The following ANTXR2 variants were observed in gnomAD, a reference collection of about 807,000 sequenced individuals.
ANTXR2 encodes the protein ANTXR cell adhesion molecule 2.
Under a neutral mutation model 73.7 loss-of-function variants are expected in ANTXR2, and 44 were observed. That is an observed-to-expected ratio of 0.60 (90% CI 0.47 to 0.77). The LOEUF (loss-of-function observed/expected upper bound fraction) is 0.77. Ranked by LOEUF, ANTXR2 falls within the 30% of genes least tolerant of loss-of-function variation. The pLI is 0.00. For missense variants in ANTXR2, 604 were observed against 592.5 expected (o/e 1.02, Z -0.20); for synonymous variants, 217 against 205.9 (o/e 1.05, Z -0.46).
intron 12 of ANTXR2, among the ~76,000 whole-genome samples, chr4:79,996,664 C>T (rs1730745149): frequency 6.6e-6 from 1 of 151,860 alleles, no homozygotes; most frequent in African/African-American, 2.4e-5. Context: ...ACTGACATTC[C>T]TACATTTCAG....
chr4:80,035,878 C>T (rs1732930792), intron 8 of ANTXR2, 94 bp downstream of exon 8: 3 of 1,048,876 alleles, frequency 2.9e-6, no homozygotes, highest in Non-Finnish European at 2.8e-6. Context: ...GTTAATTTTG[C>T]TATTCTTTTT....
At chr4:79,985,772 A>C (rs1343637999) in intron 12 of ANTXR2, among the ~76,000 whole-genome samples, 1 of 152,062 alleles carries the variant, frequency 6.6e-6, no homozygotes, top group African/African-American at 2.4e-5. Context: ...GCTTGTAACA[A>C]ATCAGCTTCT....
intron 16 of ANTXR2, among the ~76,000 whole-genome samples, chr4:79,949,290 G>T (rs1032258661): frequency 5.9e-5 from 9 of 152,134 alleles, no homozygotes; most frequent in Admixed American, 5.9e-4. Flanking sequence ...TAAATAGAGG[G>T]TGACAGGTAG....
intron 16 of ANTXR2, among the ~76,000 whole-genome samples, chr4:79,949,006 G>A (rs1000748667): frequency 1.3e-5 from 2 of 152,068 alleles, no homozygotes; most frequent in South Asian, 4.1e-4. Flanking sequence ...AGGATAAAGA[G>A]ACTCTAAATC....
Position 80,073,223 on chromosome 4 carries a change from T to C in ANTXR2, c.-663A>G, listed in dbSNP as rs1293013373. 6.6e-6 allele frequency: 1 copy of C among 152,628 alleles called. No individual in the cohort carries two copies. The highest frequency in any genetic ancestry group is 1.9e-4 in the East Asian group (1 of 5,190). The allele number at this position is 152,628 out of a possible 1,614,324, so 9.5% of individuals were successfully genotyped here. On this transcript the variant is annotated 5_prime_UTR_variant, in exon 1 of 17. Transcript: ENST00000403729. ...GAGCCCGCTCGGGCCGGGTCTGGGC[T>C]GCGTGTGTCAGTGTGCGCCTGGGGA...
rs1578068454 is a variant in ANTXR2, at chr4:79,903,050, GA to G, written c.*4378del. 2.6e-5 allele frequency: 4 copies of G among 151,922 alleles called. No homozygotes were observed. The East Asian group carries it at 7.7e-4, about 29-fold the overall frequency. 9.4% of individuals were successfully genotyped at this position (151,922 alleles called of 1,614,324 possible). A position where few individuals can be genotyped will look rare whatever the true frequency, so the allele number is the denominator to read the frequency against. ...TGTAATCCCAGCTACTCAGGAGGCT[GA>G]GGGATGAGAATCACTTGAACCCAGG... On this transcript the variant is annotated 3_prime_UTR_variant, in exon 17 of 17. Coordinates refer to ENST00000403729, the MANE Select transcript of ANTXR2 (RefSeq NM_058172.6).
At position 79,903,148 on chromosome 4, in the gene ANTXR2, C is replaced by CA. The variant is rs373264816; in HGVS notation, c.*4280dup. 0.32 allele frequency: 45,894 copies of CA among 143,110 alleles called. 8,778 individuals carry two copies. Among genetic ancestry groups the CA allele is most frequent in the Non-Finnish European group, 0.44 (28,667 of 65,824 alleles). The allele number at this position is 143,110 out of a possible 1,614,324, so 8.9% of individuals were successfully genotyped here. ...TGGGTGACAGAGTGAGACTCTGTTT[C>CA]AAAAAAAAGAAAAAAAATCTAGTCA... is the stretch of plus-strand genomic sequence containing the variant. On this transcript the variant is annotated 3_prime_UTR_variant, in exon 17 of 17. Transcript: ENST00000403729.
rs183078579 is a variant in ANTXR2 at position 79,904,215 on chromosome 4, G to C, written c.*3214C>G. 6.6e-6 allele frequency: 1 copy of C among 152,088 alleles called. No individual in the cohort carries two copies. Among genetic ancestry groups the C allele is most frequent in the African/African-American group, 2.4e-5 (1 of 41,526 alleles). 9.4% of individuals were successfully genotyped at this position (152,088 alleles called of 1,614,324 possible). A position where few individuals can be genotyped will look rare whatever the true frequency, so the allele number is the denominator to read the frequency against. The stretch of plus-strand genomic sequence containing the variant: ...CAGAAACACCCAAATCTTGTATCTA[G>C]TAAGGATTTATTATAACAAATATTG... On this transcript the variant is annotated 3_prime_UTR_variant, in exon 17 of 17. Coordinates refer to ENST00000403729, the MANE Select transcript of ANTXR2 (RefSeq NM_058172.6).
At chr4:80,022,858 T>A (rs770342717) in intron 10 of ANTXR2, among the ~76,000 whole-genome samples, 4 of 152,178 alleles carry the variant, frequency 2.6e-5, no homozygotes, top group Non-Finnish European at 5.9e-5. Flanking sequence ...CATCACTCCA[T>A]TTTTAATCTT....
At position 79,923,930 on chromosome 4, in the gene ANTXR2, A is replaced by G. The variant is rs925865901; in HGVS notation, c.1429-16463T>C. On this transcript the variant is annotated intron_variant, in intron 16 of 16. Transcript: ENST00000403729. ...CCTTCTGTATTTATGAATTATTAAC[A>G]TTATTAAATTTGGAAAAGAAAATAA... Among the ~76,000 whole-genome samples, 4 of 152,164 alleles carry G rather than the reference A, an allele frequency of 2.6e-5. No individual in the cohort carries two copies. The East Asian group carries it at 5.8e-4, about 22-fold the overall frequency.
At chr4:80,015,896 GAAAGGAAAGGAAAGGAAAGGAAAGGAA>G (rs1451134247) in intron 11 of ANTXR2, among the ~76,000 whole-genome samples, 25 of 76,538 alleles carry the variant, frequency 3.3e-4, no homozygotes, top group Admixed American at 4.8e-4. Flanking sequence ...GAAAGGAAAG[GAAAGGAAAGGAAAGGAAAGGAAAGGAA>G]AAAGGAAAGG....
intron 10 of ANTXR2, among the ~76,000 whole-genome samples, chr4:80,029,794 T>C (rs1732605995): frequency 6.6e-6 from 1 of 151,278 alleles, no homozygotes; most frequent in East Asian, 2.0e-4. Context: ...CAACAAGAAG[T>C]ATAAAAGTGC....
intron 16 of ANTXR2, among the ~76,000 whole-genome samples, chr4:79,935,703 T>C (rs376348187): frequency 7.2e-5 from 11 of 152,234 alleles, no homozygotes; most frequent in African/African-American, 2.4e-4. Flanking sequence ...TGGATACAGC[T>C]ATTGCAATGT....
intron 7 of ANTXR2, among the ~76,000 whole-genome samples, chr4:80,047,086 A>G (rs62298642): frequency 0.12 from 18,394 of 151,762 alleles, 1,245 homozygotes; most frequent in Middle Eastern, 0.24. Context: ...ATTTCATTTT[A>G]TCTGTGTAAC....
intron 12 of ANTXR2, among the ~76,000 whole-genome samples, chr4:79,990,037 A>G (rs1278937988): frequency 2.0e-5 from 3 of 152,104 alleles, no homozygotes; most frequent in Non-Finnish European, 1.5e-5. Flanking sequence ...TTGAACAGGC[A>G]AAAGATGGAA....
chr4:80,063,192 T>A (rs1310371068), intron 3 of ANTXR2, among the ~76,000 whole-genome samples: 1 of 152,164 alleles, frequency 6.6e-6, no homozygotes, highest in East Asian at 1.9e-4. Flanking sequence ...GTAGGAATAA[T>A]TCACTCTTAT....
chr4:80,064,349 C>CA (rs1254519779), intron 3 of ANTXR2, among the ~76,000 whole-genome samples: 1 of 151,790 alleles, frequency 6.6e-6, no homozygotes. Context: ...GGTATAATCA[C>CA]AAAAAAAGAC....
intron 12 of ANTXR2, among the ~76,000 whole-genome samples, chr4:79,988,891 T>C (rs1730332378): frequency 6.6e-6 from 1 of 152,144 alleles, no homozygotes; most frequent in Non-Finnish European, 1.5e-5. Flanking sequence ...TGCTCCTAAA[T>C]GACTTTCAGG....
intron 16 of ANTXR2, among the ~76,000 whole-genome samples, chr4:79,976,134 G>A (rs911536849): frequency 2.0e-5 from 3 of 151,786 alleles, no homozygotes; most frequent in Non-Finnish European, 4.4e-5. Flanking sequence ...GGATGGTCTC[G>A]ATCTCCTGAC....
Sources: gnomAD v4.1 joint callset for allele counts (sites outside exome capture counted in the v4.1 genomes callset) on GRCh38, gnomAD v4.1.1 for gene constraint, MANE v1.5 for transcripts, NCBI Gene and HGNC (gene_info 2026-07-23, HGNC 2026-07-21) for gene names.